The following BRIP1 variants were observed in gnomAD, a reference collection of about 807,000 sequenced individuals.
The protein encoded by BRIP1 is BRCA1 interacting DNA helicase 1, also known as Fanconi anemia group J protein.
In BRIP1, 88 loss-of-function variants were observed where a neutral mutation model predicts 119.7. That is an observed-to-expected ratio of 0.74 (90% confidence interval 0.62 to 0.88). BRIP1 has a LOEUF of 0.88. BRIP1 is among the 40% of genes least tolerant of loss of function. BRIP1 has a pLI of 0.00. For synonymous variants in BRIP1, 443 were observed against 496.5 expected, an observed-to-expected ratio of 0.89 and a Z score of 1.43; for missense variants, 1,259 against 1,455.4, an observed-to-expected ratio of 0.87 and a Z score of 2.20.
At chr17:61,833,946 T>C (rs529868928) in intron 6 of BRIP1, among the ~76,000 whole-genome samples, 29 of 152,322 alleles carry the variant, frequency 1.9e-4, no homozygotes, top group African/African-American at 6.7e-4. Context: ...TTTTAGGTTT[T>C]GTGAGCCATA....
Position 61,862,001 on chromosome 17 carries a change from C to T in BRIP1, c.-30-432G>A, listed in dbSNP as rs1457689782. 1.6e-5 allele frequency: 3 copies of T among 190,090 alleles called. No individual in the cohort carries two copies. Among genetic ancestry groups the T allele is most frequent in the Non-Finnish European group, 3.3e-5 (3 of 90,578 alleles). 11.8% of individuals were successfully genotyped at this position (190,090 alleles called of 1,614,324 possible). ...CCTGAGGCCTCTCTCTCTACAACTC[C>T]GTAGCATCACTCTTTCTCCAGTTCT... On this transcript the variant is annotated intron_variant, in intron 1 of 19. Transcript: ENST00000259008. The surrounding 1 kb of genome is among the most constrained non-coding windows in gnomAD (Gnocchi z 5.3).
rs1157382664 is a variant in BRIP1, at chr17:61,834,980, T to C, written c.627+12121A>G. Among the ~76,000 whole-genome samples the C allele has an allele frequency of 6.6e-6, 1 of 152,194 alleles. No homozygotes were observed. The highest frequency in any genetic ancestry group is 6.5e-5 in the Admixed American group (1 of 15,280). On this transcript the variant is annotated intron_variant, in intron 6 of 19. Transcript: ENST00000259008. The surrounding 1 kb of genome is among the most constrained non-coding windows in gnomAD (Gnocchi z 4.4). ...TGTTACAGCAACAGATAACATTGCA[T>C]GTGTGTGTGCACGCACATGTGCGCA... is the stretch of plus-strand genomic sequence containing the variant.
Position 61,776,101 on chromosome 17 carries a change from C to T in BRIP1, c.2097+300G>A, listed in dbSNP as rs1469420287. On this transcript the variant is annotated intron_variant, in intron 14 of 19. Transcript: ENST00000259008. This position sits in a 1 kb window ranked among gnomAD's most constrained non-coding sequence, Gnocchi z 5.0. ...TTCACCATGTTCTCCAGGCTGGTCT[C>T]GAACTCCTGGGCTCAAGTGATCCTC... The T allele has an allele frequency of 4.4e-5, 16 of 362,894 alleles. No homozygotes were observed. Among genetic ancestry groups the T allele is most frequent in the Non-Finnish European group, 7.3e-5 (14 of 191,434 alleles). 22.5% of individuals were successfully genotyped at this position (362,894 alleles called of 1,614,324 possible). A position where few individuals can be genotyped will look rare whatever the true frequency, so the allele number is the denominator to read the frequency against.
Position 61,781,012 on chromosome 17 carries a change from G to A in BRIP1, c.1629-7C>T. On this transcript the variant is annotated splice_polypyrimidine_tract_variant and splice_region_variant and intron_variant, in intron 11 of 19. Transcript: ENST00000259008. ...TTTATAATCATCTGCAAATCTAGAT[G>A]CAAAGAAAGTGCTAATTAAGTGGCA... The A allele has an allele frequency of 6.2e-7, 1 of 1,613,438 alleles. No individual in the cohort carries two copies. Among genetic ancestry groups the A allele is most frequent in the Non-Finnish European group, 8.5e-7 (1 of 1,179,922 alleles).
rs1185788550 is a variant in BRIP1 at position 61,735,834 on chromosome 17, G to T, written c.2379+7179C>A. On this transcript the variant is annotated intron_variant, in intron 16 of 19. Transcript: ENST00000259008. The surrounding 1 kb of genome is among the most constrained non-coding windows in gnomAD (Gnocchi z 4.4). ...TTTAAAAAAGACTGCCTCTTGGATGGATTAGGAAGAACCTCAGTCCTACAA... is the reference window on the plus strand; with the variant it reads ...TTTAAAAAAGACTGCCTCTTGGATGTATTAGGAAGAACCTCAGTCCTACAA... 5.3e-5 allele frequency among the ~76,000 whole-genome samples: 8 copies of T among 151,872 alleles called. No individual in the cohort carries two copies. Among genetic ancestry groups the T allele is most frequent in the Non-Finnish European group, 1.0e-4 (7 of 67,972 alleles).
rs544774412 is a variant in BRIP1, at chr17:61,758,270, C to T, written c.2098-13679G>A. Among the ~76,000 whole-genome samples, 2 of 152,244 alleles carry T rather than the reference C, an allele frequency of 1.3e-5. No individual in the cohort carries two copies. The highest frequency in any genetic ancestry group is 3.9e-4 in the East Asian group (2 of 5,188). Reference sequence around the variant, plus strand: ...CACAAATTCAACTATATGTTTCATTCTTTTCCTGAATAGATTAACTGTAGG... The same window carrying T: ...CACAAATTCAACTATATGTTTCATTTTTTTCCTGAATAGATTAACTGTAGG... On this transcript the variant is annotated intron_variant, in intron 14 of 19. Transcript: ENST00000259008. This position sits in a 1 kb window ranked among gnomAD's most constrained non-coding sequence, Gnocchi z 5.3.
Position 61,758,433 on chromosome 17 carries a change from A to C in BRIP1, c.2098-13842T>G, listed in dbSNP as rs868372123. 2.6e-5 allele frequency among the ~76,000 whole-genome samples: 4 copies of C among 152,332 alleles called. No homozygotes were observed. Among genetic ancestry groups the C allele is most frequent in the Middle Eastern group, 6.8e-3 (2 of 294 alleles). ...GAAGCAACCACTATAATGTTACCTAAAAGTTACTACTTTCAAGTATTGCCA... is the reference window on the plus strand; with the variant it reads ...GAAGCAACCACTATAATGTTACCTACAAGTTACTACTTTCAAGTATTGCCA... On this transcript the variant is annotated intron_variant, in intron 14 of 19. Coordinates refer to ENST00000259008, the MANE Select transcript of BRIP1 (RefSeq NM_032043.3). The surrounding 1 kb of genome is among the most constrained non-coding windows in gnomAD (Gnocchi z 5.3).
Position 61,744,588 on chromosome 17 carries a change from A to G in BRIP1, c.2101T>C (p.Leu701=). ...AGCCAACGTTCTTTTAATTTTTCTA[A>G]TAACTAAAGAGGGGAAAGAAAAAAA... ...ILCFLPSYKL[L]EKLKERWLST... is the part of the protein sequence containing the mutation. The change falls in exon 15 of 20, where the codon TTA becomes CTA. Residue 701 remains leucine, a synonymous_variant. Coordinates refer to ENST00000259008, the MANE Select transcript of BRIP1 (RefSeq NM_032043.3). This position sits in a 1 kb window ranked among gnomAD's most constrained non-coding sequence, Gnocchi z 5.0. The G allele has an allele frequency of 2.5e-6, 4 of 1,612,930 alleles. No individual in the cohort carries two copies. Among genetic ancestry groups the G allele is most frequent in the Non-Finnish European group, 3.4e-6 (4 of 1,179,016 alleles).
chr17:61,826,757 A>AAAAAAC (rs2078415455), intron 6 of BRIP1, among the ~76,000 whole-genome samples: 1 of 128,544 alleles, frequency 7.8e-6, no homozygotes. Flanking sequence ...AAAAAAAAAA[A>AAAAAAC]CAGATGCCGG....
rs1316956369 is a variant in BRIP1, at chr17:61,695,346, A to G, written c.2493-1834T>C. ...CCCTCAATTCTACCCATTGATCTAT[A>G]CATCTGTCTTTATGCCAGTACAACA... On this transcript the variant is annotated intron_variant, in intron 17 of 19. Transcript: ENST00000259008. The surrounding 1 kb of genome is among the most constrained non-coding windows in gnomAD (Gnocchi z 4.3). 6.6e-6 allele frequency among the ~76,000 whole-genome samples: 1 copy of G among 152,148 alleles called. No homozygotes were observed. The highest frequency in any genetic ancestry group is 1.5e-5 in the Non-Finnish European group (1 of 67,980).
At chr17:61,855,509 G>A (rs982327995) in intron 4 of BRIP1, among the ~76,000 whole-genome samples, 2 of 150,996 alleles carry the variant, frequency 1.3e-5, no homozygotes, top group Admixed American at 6.6e-5. Flanking sequence ...AACCCAGGAG[G>A]TGAAGGTTGC....
rs1465189861 is a variant in BRIP1 at position 61,710,933 on chromosome 17, C to G, written c.2492+5018G>C. Among the ~76,000 whole-genome samples the G allele has an allele frequency of 1.3e-5, 2 of 149,708 alleles. No individual in the cohort carries two copies. The highest frequency in any genetic ancestry group is 6.7e-5 in the Admixed American group (1 of 14,836). ...GTGCGTGCCTGTAATCTCAGCTACT[C>G]AAGAGGTTGAGGCAGGAGAATCGCT... On this transcript the variant is annotated intron_variant, in intron 17 of 19. Coordinates refer to ENST00000259008, the MANE Select transcript of BRIP1 (RefSeq NM_032043.3). This position sits in a 1 kb window ranked among gnomAD's most constrained non-coding sequence, Gnocchi z 5.4.
Position 61,744,302 on chromosome 17 carries a change from TTTC to T in BRIP1, c.2257+127_2257+129del. 2.9e-6 allele frequency: 3 copies of T among 1,028,764 alleles called. No homozygotes were observed. The highest frequency in any genetic ancestry group is 4.3e-6 in the Non-Finnish European group (3 of 705,436). The allele number at this position is 1,028,764 out of a possible 1,614,324, so 63.7% of individuals were successfully genotyped here. A position where few individuals can be genotyped will look rare whatever the true frequency, so the allele number is the denominator to read the frequency against. The stretch of plus-strand genomic sequence containing the variant: ...AAAAGAATTTCTTTACCCAATTTAT[TTTC>T]TTTTCACTCAGGATTATAATTTTTC... On this transcript the variant is annotated intron_variant, in intron 15 of 19. Coordinates refer to ENST00000259008, the MANE Select transcript of BRIP1 (RefSeq NM_032043.3). The surrounding 1 kb of genome is among the most constrained non-coding windows in gnomAD (Gnocchi z 5.0).
chr17:61,846,703 T>C lies in BRIP1; in HGVS notation c.627+398A>G, dbSNP rs535596854. ...CGCCTGGCCTACAACATCTTAATAT[T>C]ATTACAAAAATAATTTTCACCTCAC... On this transcript the variant is annotated intron_variant, in intron 6 of 19. Coordinates refer to ENST00000259008, the MANE Select transcript of BRIP1 (RefSeq NM_032043.3). The surrounding 1 kb of genome is among the most constrained non-coding windows in gnomAD (Gnocchi z 4.3). 3.9e-5 allele frequency among the ~76,000 whole-genome samples: 6 copies of C among 152,276 alleles called. No individual in the cohort carries two copies. Among genetic ancestry groups the C allele is most frequent in the African/African-American group, 1.4e-4 (6 of 41,566 alleles).
rs758801629 is a variant in BRIP1, at chr17:61,842,326, A to G, written c.627+4775T>C. ...AGGAGAGGTGGGTTTACAAATTCAT[A>G]ACTACAGCTAGATTGGAGAAACAGG... On this transcript the variant is annotated intron_variant, in intron 6 of 19. Coordinates refer to ENST00000259008, the MANE Select transcript of BRIP1 (RefSeq NM_032043.3). The surrounding 1 kb of genome is among the most constrained non-coding windows in gnomAD (Gnocchi z 5.1). 8.5e-5 allele frequency among the ~76,000 whole-genome samples: 13 copies of G among 152,142 alleles called. No individual in the cohort carries two copies. The highest frequency in any genetic ancestry group is 8.8e-5 in the Non-Finnish European group (6 of 67,998).
intron 10 of BRIP1, among the ~76,000 whole-genome samples, chr17:61,786,498 T>G (rs1567818771): frequency 6.6e-6 from 1 of 150,914 alleles, no homozygotes; most frequent in African/African-American, 2.4e-5. Context: ...TAAAAATTCC[T>G]AAAAATATTG....
At chr17:61,772,159 AT>A (rs2077459245) in intron 14 of BRIP1, among the ~76,000 whole-genome samples, 1 of 928 alleles carries the variant, frequency 1.1e-3, no homozygotes, top group African/African-American at 2.9e-3. Flanking sequence ...ATGTGAGATT[AT>A]ATATATATAT....
Position 61,853,146 on chromosome 17 carries a change from G to T in BRIP1, c.380-3890C>A, listed in dbSNP as rs539570615. Among the ~76,000 whole-genome samples, 1 of 152,006 alleles carries T rather than the reference G, an allele frequency of 6.6e-6. No homozygotes were observed. The highest frequency in any genetic ancestry group is 2.1e-4 in the South Asian group (1 of 4,826). On this transcript the variant is annotated intron_variant, in intron 4 of 19. Coordinates refer to ENST00000259008, the MANE Select transcript of BRIP1 (RefSeq NM_032043.3). This position sits in a 1 kb window ranked among gnomAD's most constrained non-coding sequence, Gnocchi z 4.3. ...ACAAGGAAATAATACACAGAAACAA[G>T]AAGTACTACTATATGCAACAGCATG... is the stretch of plus-strand genomic sequence containing the variant.
In BRIP1 at chr17:61,744,728, A is replaced by G. The variant is rs1211693044; in HGVS notation, c.2098-137T>C. The stretch of plus-strand genomic sequence containing the variant: ...TTCTCATTTATAAAATGAGGAAAAC[A>G]ATATATCTCATAGAGCTGTTATGGG... On this transcript the variant is annotated intron_variant, in intron 14 of 19. Coordinates refer to ENST00000259008, the MANE Select transcript of BRIP1 (RefSeq NM_032043.3). This position sits in a 1 kb window ranked among gnomAD's most constrained non-coding sequence, Gnocchi z 5.0. 2 of 801,724 alleles carry G rather than the reference A, an allele frequency of 2.5e-6. No homozygotes were observed. Among genetic ancestry groups the G allele is most frequent in the Admixed American group, 2.2e-5 (1 of 46,194 alleles). The allele number at this position is 801,724 out of a possible 1,614,324, so 49.7% of individuals were successfully genotyped here.
Sources: allele counts gnomAD v4.1 joint callset (sites outside exome capture counted in the v4.1 genomes callset), GRCh38; gene constraint gnomAD v4.1.1; non-coding constraint Gnocchi (gnomAD v3.1); transcripts MANE v1.5; gene names NCBI Gene and HGNC (gene_info 2026-07-23, HGNC 2026-07-21).